Variants in RFX7 observed in about 807,000 individuals in gnomAD.
RFX7 encodes the protein regulatory factor X7.
In RFX7, 26 loss-of-function variants were observed where a neutral mutation model predicts 111.8. That is an observed-to-expected ratio of 0.23 (90% CI 0.17 to 0.32). RFX7 has a LOEUF of 0.32. Among genes scored for constraint, RFX7 ranks in the 10% least tolerant of loss-of-function variants. RFX7 has a pLI of 1.00. For synonymous variants in RFX7, 624 were observed against 624.4 expected (o/e 1.00, Z 0.01); for missense variants, 1,573 against 1,772.9 (o/e 0.89, Z 2.02).
intron 3 of RFX7, among the ~76,000 whole-genome samples, chr15:56,148,053 TATTCAA>T (rs2042508435): frequency 6.6e-6 from 1 of 152,252 alleles, no homozygotes; most frequent in African/African-American, 2.4e-5. Flanking sequence ...CCTCAAATAT[TATTCAA>T]GTCTTTTGAA....
At chr15:56,123,507 G>C (rs1185638877) in intron 5 of RFX7, among the ~76,000 whole-genome samples, 2 of 152,196 alleles carry the variant, frequency 1.3e-5, no homozygotes, top group Admixed American at 6.5e-5. Context: ...TTCTTTCAGA[G>C]TTGCAAGCTT....
intron 9 of RFX7, among the ~76,000 whole-genome samples, chr15:56,097,008 A>G (rs1208925361): frequency 2.6e-5 from 4 of 152,146 alleles, no homozygotes; most frequent in African/African-American, 9.7e-5. Flanking sequence ...CTCATAGGGG[A>G]AACTGTCTTA....
At chr15:56,106,069 A>AG (rs2041825862) in intron 5 of RFX7, among the ~76,000 whole-genome samples, 1 of 152,168 alleles carries the variant, frequency 6.6e-6, no homozygotes, top group African/African-American at 2.4e-5. Flanking sequence ...TAGCTCAAAG[A>AG]GGGGAGTGAG....
At chr15:56,238,841 G>A (rs1177830320) in intron 2 of RFX7, among the ~76,000 whole-genome samples, 1 of 151,992 alleles carries the variant, frequency 6.6e-6, no homozygotes, top group African/African-American at 2.4e-5. Context: ...ATTATTTTTA[G>A]TTTTTTATTT....
intron 3 of RFX7, among the ~76,000 whole-genome samples, chr15:56,176,488 T>C (rs958540793): frequency 2.0e-5 from 3 of 152,158 alleles, no homozygotes; most frequent in Admixed American, 6.5e-5. Context: ...AATTAATGGC[T>C]GATGTCCAAA....
At chr15:56,164,559 G>A (rs2042761776) in intron 3 of RFX7, among the ~76,000 whole-genome samples, 1 of 152,202 alleles carries the variant, frequency 6.6e-6, no homozygotes, top group Non-Finnish European at 1.5e-5. Flanking sequence ...ATCCTGGTGA[G>A]AACTCAGGTA....
In RFX7 at chr15:56,094,014, G is replaced by C. The variant is rs571495342; in HGVS notation, c.3714C>G (p.Asn1238Lys). 1 of 1,613,960 alleles carries C rather than the reference G, an allele frequency of 6.2e-7. No homozygotes were observed. Among genetic ancestry groups the C allele is most frequent in the Admixed American group, 1.7e-5 (1 of 60,028 alleles). The part of the protein sequence containing the change: ...LTVMMQTAFP[N>K]ALQKQANSKK... ...TACTGTTTGCTTGCTTCTGAAGAGCGTTTGGGAAGGCTGTCTGCATCATGA... is the reference window on the plus strand; with the variant it reads ...TACTGTTTGCTTGCTTCTGAAGAGCCTTTGGGAAGGCTGTCTGCATCATGA... Residue 1238 changes from asparagine to lysine, a missense_variant, in exon 10 of 10, where the codon AAC becomes AAG. Around this residue, in one of 7 missense-constraint regions of RFX7, gnomAD observed 411 missense variants for 478.1 expected, o/e 0.86. Transcript: ENST00000559447.
intron 2 of RFX7, among the ~76,000 whole-genome samples, chr15:56,196,572 T>C (rs1411748916): frequency 6.6e-6 from 1 of 152,046 alleles, no homozygotes; most frequent in African/African-American, 2.4e-5. Context: ...TCCCCAAATT[T>C]GTATGTTGAA....
chr15:56,185,258 A>G (rs1488463272), intron 2 of RFX7, among the ~76,000 whole-genome samples: 1 of 152,132 alleles, frequency 6.6e-6, no homozygotes, highest in African/African-American at 2.4e-5. Context: ...CTACTCACCA[A>G]TTATTTTTTC....
chr15:56,114,180 G>A (rs535686412), intron 5 of RFX7, among the ~76,000 whole-genome samples: 2 of 152,116 alleles, frequency 1.3e-5, no homozygotes, highest in East Asian at 1.9e-4. Context: ...CGAGGTGGGC[G>A]ACTGCCTGAG....
chr15:56,185,532 G>A (rs1321616127), intron 2 of RFX7, among the ~76,000 whole-genome samples: 1 of 152,060 alleles, frequency 6.6e-6, no homozygotes, highest in Non-Finnish European at 1.5e-5. Flanking sequence ...CTTTGGAAGT[G>A]TCAATTTTTG....
chr15:56,228,200 T>C (rs1284694897), intron 2 of RFX7, among the ~76,000 whole-genome samples: 1 of 151,714 alleles, frequency 6.6e-6, no homozygotes, highest in Non-Finnish European at 1.5e-5. Flanking sequence ...GTATTTACCA[T>C]GCTTGGTGTC....
At chr15:56,115,605 T>G (rs890908845) in intron 5 of RFX7, among the ~76,000 whole-genome samples, 13 of 152,184 alleles carry the variant, frequency 8.5e-5, no homozygotes, top group Admixed American at 2.0e-4. Flanking sequence ...GTATACATAC[T>G]TTCATTTTTG....
intron 3 of RFX7, among the ~76,000 whole-genome samples, chr15:56,167,296 G>C (rs1458713532): frequency 6.6e-6 from 1 of 152,086 alleles, no homozygotes; most frequent in East Asian, 1.9e-4. Context: ...CTGGGTGACA[G>C]AGTGAGACGA....
intron 5 of RFX7, among the ~76,000 whole-genome samples, chr15:56,111,661 C>CAAAAAAAAAAAAAAAAAAAAAAACAAAA (rs371681721): frequency 1.0e-5 from 1 of 95,574 alleles, no homozygotes; most frequent in Non-Finnish European, 2.0e-5. Context: ...ATAAATAAAC[C>CAAAAAAAAAAAAAAAAAAAAAAACAAAA]AAAAAAAAAA....
chr15:56,116,466 G>C (rs2042010115), intron 5 of RFX7, among the ~76,000 whole-genome samples: 1 of 152,116 alleles, frequency 6.6e-6, no homozygotes, highest in African/African-American at 2.4e-5. Context: ...TTACTTTTCT[G>C]CATAAAATCT....
At position 56,154,941 on chromosome 15, in the gene RFX7, AC is replaced by A. The variant is rs1289349860; in HGVS notation, c.196-10459del. ...CTTAAACAAACTTACAAGAAAAAAAACAACCCCATCAAAAAATGGGCAAAGG... is the reference window on the plus strand; with the variant it reads ...CTTAAACAAACTTACAAGAAAAAAAAAACCCCATCAAAAAATGGGCAAAGG... On this transcript the variant is annotated intron_variant, in intron 3 of 9. Coordinates refer to ENST00000559447, the MANE Select transcript of RFX7 (RefSeq NM_022841.7). Among the ~76,000 whole-genome samples the A allele has an allele frequency of 1.6e-4, 24 of 152,190 alleles. 1 individual carries two copies. The highest frequency in any genetic ancestry group is 1.3e-3 in the Admixed American group (20 of 15,274).
intron 5 of RFX7, among the ~76,000 whole-genome samples, chr15:56,124,942 T>C (rs1331002566): frequency 6.6e-6 from 1 of 152,250 alleles, no homozygotes; most frequent in African/African-American, 2.4e-5. Flanking sequence ...TGCAGGCCAA[T>C]GTCCTGAAGT....
chr15:56,218,628 T>C (rs1199147193), intron 2 of RFX7, among the ~76,000 whole-genome samples: 1 of 152,152 alleles, frequency 6.6e-6, no homozygotes, highest in Admixed American at 6.5e-5. Context: ...GTAGTTATTC[T>C]ATTAGGAAAA....
Sources: gnomAD v4.1 joint callset for allele counts (sites outside exome capture counted in the v4.1 genomes callset) on GRCh38, gnomAD v4.1.1 for gene constraint, gnomAD v4.1.1 regional missense constraint, MANE v1.5 for transcripts, NCBI Gene and HGNC (gene_info 2026-07-23, HGNC 2026-07-21) for gene names.